BAZ2B: variants seen among roughly 807,000 people sequenced by gnomAD.
BAZ2B encodes the protein bromodomain adjacent to zinc finger domain protein 2B.
BAZ2B carries 91 observed loss-of-function variants against 246.0 expected under a neutral mutation model. The ratio of observed to expected loss-of-function variants is 0.37; its 90% confidence interval spans 0.31 to 0.44. The LOEUF (loss-of-function observed/expected upper bound fraction) is 0.44. Ranked by LOEUF, BAZ2B falls within the 20% of genes least tolerant of loss-of-function variation. The pLI, the probability that BAZ2B is intolerant of heterozygous loss-of-function variation, is 1.00. For missense variants in BAZ2B, 2,332 were observed against 2,533.7 expected (o/e 0.92, Z 1.71); for synonymous variants, 855 against 860.0 (o/e 0.99, Z 0.10).
Position 159,431,172 on chromosome 2 carries a change from A to G in BAZ2B, c.1901-16T>C. On this transcript the variant is annotated splice_polypyrimidine_tract_variant and intron_variant, in intron 9 of 36. Transcript: ENST00000392783. ...CTATCTGATTCTGGGAAGTAAAAGA[A>G]GCATTTGTATATTATAACTAGATAA... 1 of 1,592,942 alleles carries G rather than the reference A, an allele frequency of 6.3e-7. No individual in the cohort carries two copies. Among genetic ancestry groups the G allele is most frequent in the Non-Finnish European group, 8.5e-7 (1 of 1,169,868 alleles).
chr2:159,545,059 C>T (rs775823544), intron 2 of BAZ2B, among the ~76,000 whole-genome samples: 2 of 152,112 alleles, frequency 1.3e-5, no homozygotes, highest in Non-Finnish European at 1.5e-5. Flanking sequence ...CTATATTATT[C>T]GAGAGGATTT....
At chr2:159,653,673 T>A in the BAZ2B span, among the ~76,000 whole-genome samples, 1 of 152,222 alleles carries the variant, frequency 6.6e-6, no homozygotes, top group Non-Finnish European at 1.5e-5. Context: ...TTCAGTGACT[T>A]CTAAAATCAT....
Position 159,378,742 on chromosome 2 carries a change from T to C in BAZ2B, c.4005+3817A>G, listed in dbSNP as rs371283012. On this transcript the variant is annotated intron_variant, in intron 25 of 36. Coordinates refer to ENST00000392783, the MANE Select transcript of BAZ2B (RefSeq NM_013450.4). The stretch of plus-strand genomic sequence containing the variant: ...GGGAAATGTAAAATCAAAATCACAA[T>C]GAGATATCATCCCACACCTGTTAGG... Among the ~76,000 whole-genome samples the C allele has an allele frequency of 2.6e-4, 39 of 152,080 alleles. 1 individual carries two copies. The highest frequency in any genetic ancestry group is 8.4e-4 in the African/African-American group (35 of 41,472).
intron 2 of BAZ2B, among the ~76,000 whole-genome samples, chr2:159,511,440 A>G (rs2082912393): frequency 6.6e-6 from 1 of 152,186 alleles, no homozygotes; most frequent in African/African-American, 2.4e-5. Context: ...TCCTGAACTT[A>G]GGTGATCCAC....
At chr2:159,452,664 T>C (rs7608520) in intron 4 of BAZ2B, among the ~76,000 whole-genome samples, 1 of 152,208 alleles carries the variant, frequency 6.6e-6, no homozygotes, top group Non-Finnish European at 1.5e-5. Context: ...CAAGATAATA[T>C]AACAAATTGA....
chr2:159,345,887 A>G (rs2067694158), intron 31 of BAZ2B, among the ~76,000 whole-genome samples: 1 of 152,220 alleles, frequency 6.6e-6, no homozygotes, highest in African/African-American at 2.4e-5. Flanking sequence ...CTGATAATTG[A>G]TCTTCATACT....
At chr2:159,696,207 C>G in the BAZ2B span, among the ~76,000 whole-genome samples, 1 of 152,110 alleles carries the variant, frequency 6.6e-6, no homozygotes, top group Non-Finnish European at 1.5e-5. Flanking sequence ...GTCACTTCTT[C>G]TTTTCTGTGA....
intron 2 of BAZ2B, among the ~76,000 whole-genome samples, chr2:159,510,983 T>G (rs2082861448): frequency 6.6e-6 from 1 of 152,202 alleles, no homozygotes; most frequent in Admixed American, 6.5e-5. Flanking sequence ...GTTGCTCAAA[T>G]TATCAAATCA....
the BAZ2B span, among the ~76,000 whole-genome samples, chr2:159,651,278 C>T: frequency 6.6e-6 from 1 of 152,166 alleles, no homozygotes; most frequent in Non-Finnish European, 1.5e-5. Context: ...CTGATTATTA[C>T]AAACCTCATT....
chr2:159,676,543 C>T, the BAZ2B span, among the ~76,000 whole-genome samples: 2 of 151,852 alleles, frequency 1.3e-5, no homozygotes, highest in African/African-American at 2.4e-5. Context: ...AAGCTGAGCA[C>T]GTGATGGGTG....
intron 34 of BAZ2B, among the ~76,000 whole-genome samples, chr2:159,328,737 T>C (rs2064158600): frequency 6.6e-6 from 1 of 152,152 alleles, no homozygotes; most frequent in African/African-American, 2.4e-5. Flanking sequence ...AGTTTGTGTG[T>C]GTATGTGTGT....
In BAZ2B at chr2:159,431,018, T is replaced by C. The variant is rs2071012040; in HGVS notation, c.2039A>G (p.Lys680Arg). 1.2e-6 allele frequency: 2 copies of C among 1,613,910 alleles called. No individual in the cohort carries two copies. The highest frequency in any genetic ancestry group is 2.7e-5 in the African/African-American group (2 of 74,896). The change falls in exon 10 of 37, where the codon AAA becomes AGA. Residue 680 changes from lysine (K) to arginine (R), a missense_variant. Physicochemically the swap from Lys to Arg is conservative, Grantham distance 26. Transcript: ENST00000392783. ...ACCTGTGAGACTCATGGAAGGGCTT[T>C]TGACAGAGGAAGTTGTTTTATTCAG... is the stretch of plus-strand genomic sequence containing the variant. ...MKLNKTTSSVKSPSMSLTGHS... is the reference protein window; with the variant it reads ...MKLNKTTSSVRSPSMSLTGHS...
chr2:159,329,269 G>A (rs1270835303), intron 34 of BAZ2B, among the ~76,000 whole-genome samples: 1 of 151,896 alleles, frequency 6.6e-6, no homozygotes, highest in Non-Finnish European at 1.5e-5. Flanking sequence ...GGTATTTATT[G>A]CATAGTTTTA....
intron 2 of BAZ2B, among the ~76,000 whole-genome samples, chr2:159,531,472 C>G (rs2085374235): frequency 6.6e-6 from 1 of 152,052 alleles, no homozygotes; most frequent in Admixed American, 6.5e-5. Flanking sequence ...ATTTATGTTT[C>G]TTTATAATGA....
intron 2 of BAZ2B, among the ~76,000 whole-genome samples, chr2:159,495,715 T>G (rs1033255066): frequency 6.6e-6 from 1 of 151,852 alleles, no homozygotes; most frequent in East Asian, 1.9e-4. Flanking sequence ...TGGAGTAAAA[T>G]AGGAGAAACA....
chr2:159,324,725 T>G, intron 36 of BAZ2B, 86 bp downstream of exon 36: 1 of 924,266 alleles, frequency 1.1e-6, no homozygotes, highest in Non-Finnish European at 1.5e-6. Flanking sequence ...TTGCTGTTAA[T>G]TAAAATATCT....
chr2:159,420,194 G>A (rs1431377159), intron 13 of BAZ2B, among the ~76,000 whole-genome samples: 1 of 152,100 alleles, frequency 6.6e-6, no homozygotes, highest in Non-Finnish European at 1.5e-5. Flanking sequence ...TTTCTGTACT[G>A]AAAGGTGTGT....
the BAZ2B span, among the ~76,000 whole-genome samples, chr2:159,684,969 C>T: frequency 3.3e-5 from 5 of 152,328 alleles, no homozygotes; most frequent in East Asian, 9.6e-4. Flanking sequence ...TGCTTACTCA[C>T]TAAAGTGGAA....
At chr2:159,711,349 C>G in the BAZ2B span, among the ~76,000 whole-genome samples, 1 of 152,020 alleles carries the variant, frequency 6.6e-6, no homozygotes, top group East Asian at 1.9e-4. Flanking sequence ...CTTAAAATAC[C>G]TTTAAGTCTT....
Sources: allele counts gnomAD v4.1 joint callset (sites outside exome capture counted in the v4.1 genomes callset), GRCh38; gene constraint gnomAD v4.1.1; transcripts MANE v1.5; gene names NCBI Gene and HGNC (gene_info 2026-07-23, HGNC 2026-07-21).